ZNF704: variants seen among roughly 807,000 people sequenced by gnomAD.
ZNF704 encodes the protein glucocorticoid induced gene 1.
A neutral mutation model predicts 44.7 loss-of-function variants in ZNF704; 10 were observed. That is an observed-to-expected ratio of 0.22 (90% confidence interval 0.14 to 0.38). ZNF704 has a LOEUF of 0.38. Ranked by LOEUF, ZNF704 falls within the 10% of genes least tolerant of loss-of-function variation. The pLI, the probability that ZNF704 is intolerant of heterozygous loss-of-function variation, is 1.00. For synonymous variants in ZNF704, 211 were observed against 207.6 expected, an observed-to-expected ratio of 1.02 and a Z score of -0.14; for missense variants, 390 against 545.5, an observed-to-expected ratio of 0.71 and a Z score of 2.84.
chr8:80,834,586 A>T (rs764415190), intron 1 of ZNF704, among the ~76,000 whole-genome samples: 20 of 152,152 alleles, frequency 1.3e-4, no homozygotes, highest in African/African-American at 4.1e-4. Flanking sequence ...ACATAGATAT[A>T]CGTGTGCCAT....
chr8:80,836,835 T>C (rs530679384), intron 1 of ZNF704, among the ~76,000 whole-genome samples: 70 of 152,308 alleles, frequency 4.6e-4, no homozygotes, highest in African/African-American at 1.6e-3. Context: ...TACAGCACTA[T>C]AGTTCTATCA....
the ZNF704 span, among the ~76,000 whole-genome samples, chr8:80,882,780 C>T: frequency 6.6e-6 from 1 of 152,138 alleles, no homozygotes; most frequent in Non-Finnish European, 1.5e-5. Context: ...GCTTATGTCA[C>T]ATCATAATTT....
chr8:80,853,972 C>T (rs1289328089), intron 1 of ZNF704, among the ~76,000 whole-genome samples: 2 of 152,158 alleles, frequency 1.3e-5, no homozygotes, highest in African/African-American at 2.4e-5. Context: ...TCTACTAATA[C>T]TTTGCAGATA....
chr8:80,774,359 T>G (rs1027004964), intron 2 of ZNF704, among the ~76,000 whole-genome samples: 7 of 152,142 alleles, frequency 4.6e-5, no homozygotes, highest in African/African-American at 1.7e-4. Context: ...TGTGAGCCAC[T>G]ACAACCAGCC....
intron 1 of ZNF704, among the ~76,000 whole-genome samples, chr8:80,825,979 G>T (rs976851688): frequency 7.2e-5 from 11 of 152,136 alleles, no homozygotes; most frequent in African/African-American, 2.4e-4. Context: ...AAGAAGGAAA[G>T]ATCTAAAATT....
intron 2 of ZNF704, among the ~76,000 whole-genome samples, chr8:80,698,805 T>C (rs1818764836): frequency 6.6e-6 from 1 of 152,212 alleles, no homozygotes; most frequent in Non-Finnish European, 1.5e-5. Flanking sequence ...TGGTCTGCCC[T>C]TGAGCGCTCA....
chr8:80,663,820 T>C (rs1287217358), intron 6 of ZNF704, among the ~76,000 whole-genome samples: 1 of 151,892 alleles, frequency 6.6e-6, no homozygotes, highest in Non-Finnish European at 1.5e-5. Context: ...TCAAACTCCC[T>C]GGGCTCAGGT....
At chr8:80,813,477 AAAAG>A (rs955715189) in intron 2 of ZNF704, among the ~76,000 whole-genome samples, 3 of 152,222 alleles carry the variant, frequency 2.0e-5, no homozygotes, top group Admixed American at 6.5e-5. Context: ...AACATCAACC[AAAAG>A]AAGAAGAGTA....
At chr8:80,830,753 C>CTTTCTT (rs1554585536) in intron 1 of ZNF704, among the ~76,000 whole-genome samples, 4,628 of 89,252 alleles carry the variant, frequency 0.052, 223 homozygotes, top group African/African-American at 0.073. Flanking sequence ...GTGTTTCTTT[C>CTTTCTT]TTTTTTTTTT....
intron 2 of ZNF704, among the ~76,000 whole-genome samples, chr8:80,790,724 A>G (rs1424689916): frequency 6.6e-6 from 1 of 152,148 alleles, no homozygotes; most frequent in Non-Finnish European, 1.5e-5. Flanking sequence ...GAGTGGAGCC[A>G]CACTGGGCAG....
chr8:80,855,803 C>T (rs915080239), intron 1 of ZNF704, among the ~76,000 whole-genome samples: 3 of 152,154 alleles, frequency 2.0e-5, no homozygotes, highest in Non-Finnish European at 2.9e-5. Flanking sequence ...AAATAATGAT[C>T]ATAGCAGAGA....
chr8:80,822,918 T>C (rs1435872460), intron 1 of ZNF704, among the ~76,000 whole-genome samples: 2 of 152,196 alleles, frequency 1.3e-5, no homozygotes, highest in African/African-American at 4.8e-5. Flanking sequence ...TGTAAATTTG[T>C]TTAAGATCTT....
intron 2 of ZNF704, among the ~76,000 whole-genome samples, chr8:80,694,876 T>C (rs1818700693): frequency 6.6e-6 from 1 of 152,188 alleles, no homozygotes; most frequent in African/African-American, 2.4e-5. Flanking sequence ...AATTCTTCTA[T>C]CAAAAGACAA....
At chr8:80,863,056 A>G (rs1227567171) in intron 1 of ZNF704, among the ~76,000 whole-genome samples, 1 of 151,378 alleles carries the variant, frequency 6.6e-6, no homozygotes, top group Non-Finnish European at 1.5e-5. Context: ...TTTTCTGATA[A>G]TTTTTACTGT....
intron 2 of ZNF704, among the ~76,000 whole-genome samples, chr8:80,754,992 A>G (rs920409863): frequency 6.6e-6 from 1 of 152,202 alleles, no homozygotes; most frequent in African/African-American, 2.4e-5. Flanking sequence ...GTAAAAAATT[A>G]ACAACAATTA....
At chr8:80,749,587 G>C (rs1430473937) in intron 2 of ZNF704, 3 of 153,270 alleles carry the variant, frequency 2.0e-5, no homozygotes, top group African/African-American at 7.2e-5. Flanking sequence ...GTGATCACCA[G>C]CTGCCCAACT....
chr8:80,706,707 C>G (rs1818904176), intron 2 of ZNF704, among the ~76,000 whole-genome samples: 1 of 152,232 alleles, frequency 6.6e-6, no homozygotes, highest in Non-Finnish European at 1.5e-5. Flanking sequence ...ATGAAAGACT[C>G]AAGTCAAGTG....
intron 1 of ZNF704, among the ~76,000 whole-genome samples, chr8:80,824,234 G>T (rs1808330447): frequency 6.6e-6 from 1 of 152,160 alleles, no homozygotes; most frequent in Non-Finnish European, 1.5e-5. Context: ...GACCTTAAAT[G>T]ACCTGATGGA....
intron 1 of ZNF704, among the ~76,000 whole-genome samples, chr8:80,846,263 A>G (rs1808765682): frequency 6.6e-6 from 1 of 152,180 alleles, no homozygotes; most frequent in Non-Finnish European, 1.5e-5. Context: ...TAAATCTTAC[A>G]TGTGGTTTCC....
Sources: gnomAD v4.1 joint callset for allele counts (sites outside exome capture counted in the v4.1 genomes callset) on GRCh38, gnomAD v4.1.1 for gene constraint, MANE v1.5 for transcripts, NCBI Gene and HGNC (gene_info 2026-07-23, HGNC 2026-07-21) for gene names.